DLGAP2: variants seen among roughly 807,000 people sequenced by gnomAD.
DLGAP2 encodes DLG associated protein 2, also known as disks large-associated protein 2.
A neutral mutation model predicts 100.3 loss-of-function variants in DLGAP2; 26 were observed. That is an observed-to-expected ratio of 0.26 (90% CI 0.19 to 0.36). The LOEUF (loss-of-function observed/expected upper bound fraction) is 0.36. DLGAP2 is among the 10% of genes least tolerant of loss of function. The probability of loss-of-function intolerance (pLI) is 1.00; values close to 1 mark genes in which losing one functional copy is unlikely to be tolerated. For missense variants in DLGAP2, 1,858 were observed against 1,453.2 expected, an observed-to-expected ratio of 1.28 and a Z score of -4.53; for synonymous variants, 886 against 630.1, an observed-to-expected ratio of 1.41 and a Z score of -6.08.
intron 1 of DLGAP2, among the ~76,000 whole-genome samples, chr8:855,590 A>G (rs1797262308): frequency 1.3e-5 from 2 of 152,194 alleles, no homozygotes; most frequent in Admixed American, 1.3e-4. Flanking sequence ...CTGGTGCTGT[A>G]AGTTCCCACG....
At chr8:1,657,264 C>G (rs986935732) in intron 8 of DLGAP2, among the ~76,000 whole-genome samples, 1 of 152,140 alleles carries the variant, frequency 6.6e-6, no homozygotes, top group Non-Finnish European at 1.5e-5. Context: ...AGGACGTAGA[C>G]TAGAATTACA....
At chr8:1,281,526 G>C (rs1028964421) in intron 3 of DLGAP2, among the ~76,000 whole-genome samples, 5 of 152,204 alleles carry the variant, frequency 3.3e-5, no homozygotes, top group Non-Finnish European at 7.3e-5. Context: ...TGGACTCCCT[G>C]ATGTCTCCTG....
rs778169334 is a variant in DLGAP2, at chr8:1,678,357, C to A, written c.2432C>A (p.Thr811Asn). 6 of 1,613,822 alleles carry A rather than the reference C, an allele frequency of 3.7e-6. No individual in the cohort carries two copies. The African/African-American group carries it at 5.3e-5, about 14-fold the overall frequency. ...TTCCAGCGGCACTCCGAGCCCAGCA[C>A]CCCCACCCAGTACAGCGCGGTGAGA... is the stretch of plus-strand genomic sequence containing the variant. ...SSFQRHSEPS[T>N]PTQYSAVRTV... Residue 811 changes from threonine to asparagine, a missense_variant, in exon 12 of 15, where the codon ACC (threonine) becomes AAC (asparagine). Coordinates refer to ENST00000637795, the MANE Select transcript of DLGAP2 (RefSeq NM_001346810.2).
intron 1 of DLGAP2, among the ~76,000 whole-genome samples, chr8:768,909 C>T (rs1259630932): frequency 5.3e-5 from 8 of 152,104 alleles, no homozygotes; most frequent in East Asian, 3.9e-4. Flanking sequence ...GGGCTGAGGA[C>T]GCTGGCCTCA....
At chr8:1,008,739 C>T (rs775794423) in intron 2 of DLGAP2, among the ~76,000 whole-genome samples, 8 of 152,206 alleles carry the variant, frequency 5.3e-5, no homozygotes, top group African/African-American at 1.9e-4. Context: ...CCCGCTCCCC[C>T]ACCCCAGCAC....
At chr8:1,579,853 A>G (rs1203816201) in intron 6 of DLGAP2, among the ~76,000 whole-genome samples, 1 of 152,212 alleles carries the variant, frequency 6.6e-6, no homozygotes, top group East Asian at 1.9e-4. Context: ...ATGTGGGGGC[A>G]CTAAGGAAGC....
chr8:1,300,148 C>T (rs1214952095), intron 3 of DLGAP2: 1 of 152,224 alleles, frequency 6.6e-6, no homozygotes, highest in African/African-American at 2.4e-5. Context: ...ATCGATTTGT[C>T]AGGGAAACAA....
At chr8:1,444,121 C>T (rs1050155804) in intron 3 of DLGAP2, among the ~76,000 whole-genome samples, 1 of 152,078 alleles carries the variant, frequency 6.6e-6, no homozygotes, top group Non-Finnish European at 1.5e-5. Flanking sequence ...TGTCTCTCTC[C>T]GTTGCCCAGG....
chr8:1,639,173 A>T (rs1797838689), intron 8 of DLGAP2, among the ~76,000 whole-genome samples: 1 of 152,180 alleles, frequency 6.6e-6, no homozygotes, highest in East Asian at 1.9e-4. Context: ...GGTGCGGTCC[A>T]GAGCCATGGA....
intron 3 of DLGAP2, among the ~76,000 whole-genome samples, chr8:1,355,385 G>A (rs1801824257): frequency 6.6e-6 from 1 of 151,908 alleles, no homozygotes; most frequent in Non-Finnish European, 1.5e-5. Context: ...TTTTGTTTGA[G>A]ATGGAGTCTC....
At chr8:972,893 C>G (rs1476395984) in intron 2 of DLGAP2, among the ~76,000 whole-genome samples, 4 of 152,144 alleles carry the variant, frequency 2.6e-5, no homozygotes, top group African/African-American at 9.7e-5. Context: ...CCATTTAACC[C>G]TGAGTGGACA....
intron 2 of DLGAP2, among the ~76,000 whole-genome samples, chr8:934,423 A>T (rs2016310): frequency 0.27 from 41,104 of 151,558 alleles, 6,264 homozygotes; most frequent in Admixed American, 0.38. Flanking sequence ...CTTAGTGGGA[A>T]CGGCAGCCTG....
chr8:1,041,787 A>C (rs1382541934), intron 2 of DLGAP2, among the ~76,000 whole-genome samples: 1 of 58,128 alleles, frequency 1.7e-5, no homozygotes, highest in Non-Finnish European at 3.7e-5. Flanking sequence ...GGAAATGTGT[A>C]CTCCGAGCCC....
At chr8:1,580,924 C>A (rs1449842512) in intron 6 of DLGAP2, among the ~76,000 whole-genome samples, 4 of 150,716 alleles carry the variant, frequency 2.7e-5, no homozygotes, top group African/African-American at 9.8e-5. Flanking sequence ...AGTAAACTAC[C>A]AGAAGTGAAG....
chr8:876,594 C>T (rs1797690322), intron 1 of DLGAP2, among the ~76,000 whole-genome samples: 1 of 152,196 alleles, frequency 6.6e-6, no homozygotes, highest in African/African-American at 2.4e-5. Flanking sequence ...AGTATTTGTA[C>T]TGTGACTTAT....
intron 2 of DLGAP2, among the ~76,000 whole-genome samples, chr8:1,106,896 G>C (rs576571075): frequency 6.6e-6 from 1 of 152,206 alleles, no homozygotes; most frequent in Non-Finnish European, 1.5e-5. Context: ...TTTGGACTCT[G>C]TAGAGGATAA....
intron 2 of DLGAP2, among the ~76,000 whole-genome samples, chr8:1,022,802 C>T (rs1801667318): frequency 6.6e-6 from 1 of 152,128 alleles, no homozygotes; most frequent in Non-Finnish European, 1.5e-5. Context: ...CTCCAGCCGC[C>T]ACCCATCCCC....
chr8:1,472,311 G>A (rs900150814), intron 3 of DLGAP2, among the ~76,000 whole-genome samples: 4 of 152,108 alleles, frequency 2.6e-5, no homozygotes, highest in Non-Finnish European at 5.9e-5. Flanking sequence ...AGCTGGGAGG[G>A]AGGCCAGGGG....
At chr8:1,219,180 G>T (rs1024063777) in intron 2 of DLGAP2, among the ~76,000 whole-genome samples, 1 of 152,066 alleles carries the variant, frequency 6.6e-6, no homozygotes, top group Non-Finnish European at 1.5e-5. Context: ...AGTGTGAGAG[G>T]GCATTCTTGT....
Sources: gnomAD v4.1 joint callset for allele counts (sites outside exome capture counted in the v4.1 genomes callset) on GRCh38, gnomAD v4.1.1 for gene constraint, MANE v1.5 for transcripts, NCBI Gene and HGNC (gene_info 2026-07-23, HGNC 2026-07-21) for gene names.